SHISA9: variants seen among roughly 807,000 people sequenced by gnomAD.
SHISA9 encodes the protein shisa family member 9.
SHISA9 carries 13 observed loss-of-function variants against 38.0 expected under a neutral mutation model. That is an observed-to-expected ratio of 0.34 (90% CI 0.22 to 0.54). The LOEUF is 0.54. Ranked by LOEUF, SHISA9 falls within the 20% of genes least tolerant of loss-of-function variation. The probability of loss-of-function intolerance (pLI) is 0.91; values close to 1 mark genes in which losing one functional copy is unlikely to be tolerated. For synonymous variants in SHISA9, 275 were observed against 242.0 expected, an observed-to-expected ratio of 1.14 and a Z score of -1.27; for missense variants, 538 against 575.8, an observed-to-expected ratio of 0.93 and a Z score of 0.67.
intron 2 of SHISA9, among the ~76,000 whole-genome samples, chr16:12,973,325 A>G (rs12446157): frequency 0.39 from 59,026 of 152,002 alleles, 11,849 homozygotes; most frequent in Middle Eastern, 0.52. Flanking sequence ...TCTGGACTGA[A>G]CTGATTCTTC....
At chr16:13,221,479 A>G (rs1475515802) in intron 4 of SHISA9, among the ~76,000 whole-genome samples, 1 of 145,746 alleles carries the variant, frequency 6.9e-6, no homozygotes, top group Non-Finnish European at 1.5e-5. Context: ...CTCTTTCCCT[A>G]TCACTTTTTA....
chr16:13,544,193 T>A, the SHISA9 span, among the ~76,000 whole-genome samples: 1 of 150,824 alleles, frequency 6.6e-6, no homozygotes, highest in Non-Finnish European at 1.5e-5. Flanking sequence ...ATCAATAGCA[T>A]GAGGCAGTAT....
chr16:13,222,087 A>C (rs1230050668), intron 4 of SHISA9, among the ~76,000 whole-genome samples: 1 of 151,880 alleles, frequency 6.6e-6, no homozygotes, highest in African/African-American at 2.4e-5. Context: ...GTGCAGGGGA[A>C]CTCCCCATTA....
downstream of SHISA9, among the ~76,000 whole-genome samples, chr16:13,244,467 A>G (rs1348749193): frequency 6.6e-6 from 1 of 152,076 alleles, no homozygotes; most frequent in African/African-American, 2.4e-5. Flanking sequence ...AATAGTAAAT[A>G]TGTTTTCTCT....
chr16:13,110,765 G>A (rs922366200), intron 2 of SHISA9, among the ~76,000 whole-genome samples: 3 of 152,184 alleles, frequency 2.0e-5, no homozygotes, highest in Non-Finnish European at 4.4e-5. Flanking sequence ...TGGGGAATTT[G>A]GTCTCAGACA....
At chr16:13,159,809 C>T (rs573439462) in intron 2 of SHISA9, among the ~76,000 whole-genome samples, 35 of 152,258 alleles carry the variant, frequency 2.3e-4, no homozygotes, top group Middle Eastern at 3.4e-3. Context: ...TGATTAATTC[C>T]GCAGAAACTT....
At chr16:13,325,782 C>A in the SHISA9 span, among the ~76,000 whole-genome samples, 2 of 151,926 alleles carry the variant, frequency 1.3e-5, no homozygotes, top group African/African-American at 2.4e-5. Context: ...CCATCATTCT[C>A]AGCAAAATAA....
At chr16:13,073,222 C>CTCT (rs1491583315) in intron 2 of SHISA9, among the ~76,000 whole-genome samples, 10 of 137,856 alleles carry the variant, frequency 7.3e-5, no homozygotes, top group Middle Eastern at 3.4e-3. Flanking sequence ...CTCTCTCTCT[C>CTCT]TTTTTTTTTT....
intron 2 of SHISA9, among the ~76,000 whole-genome samples, chr16:13,059,132 T>C (rs2073344784): frequency 7.1e-6 from 1 of 139,978 alleles, no homozygotes; most frequent in Non-Finnish European, 1.6e-5. Flanking sequence ...TTTTTTTTTT[T>C]TTTTTTTTTT....
the SHISA9 span, among the ~76,000 whole-genome samples, chr16:13,491,098 G>T: frequency 1.3e-5 from 2 of 152,256 alleles, no homozygotes; most frequent in South Asian, 4.1e-4. Context: ...AGGCTCTATT[G>T]TCTCCATTCT....
chr16:13,167,072 C>CTTTTT lies in SHISA9; in HGVS notation c.692-36309_692-36305dup, dbSNP rs11372669. Among the ~76,000 whole-genome samples the CTTTTT allele has an allele frequency of 5.6e-5, 7 of 124,418 alleles. 1 individual carries two copies. Among genetic ancestry groups the CTTTTT allele is most frequent in the Non-Finnish European group, 8.3e-5 (5 of 59,934 alleles). The allele number at this position is 124,418 out of a possible 152,430, so 81.6% of individuals were successfully genotyped here. ...CTTCTTCTCTCTCTCTCTCTTTTTT[C>CTTTTT]TTTTTTTTTTTTTTTTTGAGACAGA... On this transcript the variant is annotated intron_variant, in intron 2 of 4. Coordinates refer to ENST00000558583, the MANE Select transcript of SHISA9 (RefSeq NM_001145204.3).
chr16:13,515,931 A>T, the SHISA9 span, among the ~76,000 whole-genome samples: 1 of 152,358 alleles, frequency 6.6e-6, no homozygotes, highest in African/African-American at 2.4e-5. Flanking sequence ...TTTAATCCTC[A>T]TAAAAACTCT....
Position 12,948,239 on chromosome 16 carries a change from C to T in SHISA9, c.691+31424C>T, listed in dbSNP as rs73514788. On this transcript the variant is annotated intron_variant, in intron 2 of 4. Transcript: ENST00000558583. ...TCATAGAACTTGAAAGTGGCAGAGC[C>T]GGGATTTGAACCCTGGTTTGACTAT... is the stretch of plus-strand genomic sequence containing the variant. Among the ~76,000 whole-genome samples, 1,331 of 152,178 alleles carry T rather than the reference C, an allele frequency of 8.7e-3. 23 individuals carry two copies. Among genetic ancestry groups the T allele is most frequent in the African/African-American group, 0.031 (1,273 of 41,506 alleles).
intron 2 of SHISA9, among the ~76,000 whole-genome samples, chr16:13,186,962 C>G (rs1315928296): frequency 1.3e-5 from 2 of 152,158 alleles, no homozygotes; most frequent in Non-Finnish European, 2.9e-5. Context: ...TTTTGTTTAT[C>G]CATTCATCTG....
the SHISA9 span, among the ~76,000 whole-genome samples, chr16:13,306,694 A>G: frequency 9.2e-5 from 14 of 152,164 alleles, no homozygotes; most frequent in African/African-American, 3.1e-4. Flanking sequence ...CCAGGGAGCT[A>G]ACATCTTTCA....
At chr16:13,337,840 ACT>A in the SHISA9 span, among the ~76,000 whole-genome samples, 1 of 149,084 alleles carries the variant, frequency 6.7e-6, no homozygotes, top group East Asian at 2.0e-4. Flanking sequence ...TTCCCCCTTC[ACT>A]CTCTCTCTCC....
intron 2 of SHISA9, among the ~76,000 whole-genome samples, chr16:13,171,566 G>A (rs993894281): frequency 5.3e-5 from 8 of 152,130 alleles, no homozygotes; most frequent in African/African-American, 1.2e-4. Context: ...ATGAATGGGG[G>A]TGCTTCCAGC....
At chr16:13,134,049 C>T (rs1239383152) in intron 2 of SHISA9, among the ~76,000 whole-genome samples, 1 of 152,132 alleles carries the variant, frequency 6.6e-6, no homozygotes, top group Non-Finnish European at 1.5e-5. Context: ...ACTACTGCTA[C>T]CATTTATTGA....
the SHISA9 span, among the ~76,000 whole-genome samples, chr16:13,545,263 A>T: frequency 2.0e-5 from 3 of 152,226 alleles, no homozygotes; most frequent in African/African-American, 7.2e-5. Context: ...TTTTGAATCC[A>T]CAGCACTGCC....
Sources: allele counts gnomAD v4.1 joint callset (sites outside exome capture counted in the v4.1 genomes callset), GRCh38; gene constraint gnomAD v4.1.1; transcripts MANE v1.5; gene names NCBI Gene and HGNC (gene_info 2026-07-23, HGNC 2026-07-21).